Variants in DIAPH2 observed in about 807,000 individuals in gnomAD.
The protein encoded by DIAPH2 is diaphanous related formin 2.
In DIAPH2, 35 loss-of-function variants were observed where a neutral mutation model predicts 92.7. That is an observed-to-expected ratio of 0.38 (90% CI 0.29 to 0.50). The LOEUF (loss-of-function observed/expected upper bound fraction) is 0.50, where lower values mean the gene tolerates loss of function less well. Ranked by LOEUF, DIAPH2 falls within the 20% of genes least tolerant of loss-of-function variation. The probability of loss-of-function intolerance (pLI) is 0.94; values close to 1 mark genes in which losing one functional copy is unlikely to be tolerated. For missense variants in DIAPH2, 701 were observed against 819.5 expected, an observed-to-expected ratio of 0.86 and a Z score of 1.77; for synonymous variants, 301 against 280.4, an observed-to-expected ratio of 1.07 and a Z score of -0.73.
chrX:97,181,396 G>GTGTTGT (rs1188562337), intron 22 of DIAPH2, among the ~76,000 whole-genome samples: 1 of 109,617 alleles, frequency 9.1e-6, no homozygotes, highest in Non-Finnish European at 1.9e-5. Flanking sequence ...ATGAGTATAT[G>GTGTTGT]TGTTGTTGTT....
chrX:97,352,335 G>A (rs187384914), intron 24 of DIAPH2, among the ~76,000 whole-genome samples: 1 of 110,728 alleles, frequency 9.0e-6, no homozygotes, highest in Admixed American at 9.6e-5. Flanking sequence ...TTGACATTAT[G>A]GATTAAGATC....
intron 5 of DIAPH2, among the ~76,000 whole-genome samples, chrX:96,899,008 C>G (rs1418188079): frequency 2.7e-5 from 3 of 109,448 alleles, no homozygotes; most frequent in South Asian, 4.0e-4. Context: ...GCTTGTTTTT[C>G]TCAGGTTTGT....
At chrX:96,754,490 G>T (rs767409458) in intron 3 of DIAPH2, among the ~76,000 whole-genome samples, 2 of 111,251 alleles carry the variant, frequency 1.8e-5, no homozygotes, top group South Asian at 3.8e-4. Context: ...GAAGAAAAAA[G>T]GTCATGCCAC....
At chrX:97,176,489 G>A (rs2067492077) in intron 22 of DIAPH2, among the ~76,000 whole-genome samples, 1 of 101,155 alleles carries the variant, frequency 9.9e-6, no homozygotes, top group African/African-American at 3.7e-5. Context: ...TATCCATGAA[G>A]GATTGGTGTT....
intron 25 of DIAPH2, among the ~76,000 whole-genome samples, chrX:97,426,568 G>T (rs1327095330): frequency 1.8e-5 from 2 of 110,285 alleles, no homozygotes; most frequent in African/African-American, 6.6e-5. Context: ...GGGATTACAG[G>T]TGTGAGCCAC....
chrX:97,496,628 A>G (rs1221704514), intron 26 of DIAPH2, among the ~76,000 whole-genome samples: 1 of 110,356 alleles, frequency 9.1e-6, no homozygotes, highest in East Asian at 2.8e-4. Flanking sequence ...TCCATGGGTA[A>G]ATAGTTCTCT....
intron 24 of DIAPH2, among the ~76,000 whole-genome samples, chrX:97,353,301 G>A (rs908531661): frequency 9.1e-6 from 1 of 109,511 alleles, no homozygotes; most frequent in African/African-American, 3.3e-5. Context: ...ATTCAAAATC[G>A]GTGAACCGTA....
chrX:96,935,650 T>C (rs12156674), intron 10 of DIAPH2, among the ~76,000 whole-genome samples: 7,970 of 111,259 alleles, frequency 0.072, 292 homozygotes, highest in African/African-American at 0.12. Context: ...TATATTGTGC[T>C]ATATGTGCTC....
chrX:97,272,136 C>G (rs1034592266), intron 23 of DIAPH2, among the ~76,000 whole-genome samples: 16 of 110,410 alleles, frequency 1.4e-4, no homozygotes, highest in African/African-American at 5.3e-4. Flanking sequence ...GTAGCTGGGA[C>G]TACAGGCATG....
At chrX:96,934,435 G>A (rs1303179505) in intron 10 of DIAPH2, among the ~76,000 whole-genome samples, 1 of 110,960 alleles carries the variant, frequency 9.0e-6, no homozygotes, top group Non-Finnish European at 1.9e-5. Flanking sequence ...ATTAATTGTT[G>A]GTACATGGAT....
intron 22 of DIAPH2, among the ~76,000 whole-genome samples, chrX:97,230,990 G>A (rs1314738654): frequency 5.3e-5 from 6 of 112,621 alleles, no homozygotes; most frequent in South Asian, 3.6e-4. Context: ...TGGGTCTTCT[G>A]ACTCCAAGAC....
intron 5 of DIAPH2, among the ~76,000 whole-genome samples, chrX:96,892,068 T>C (rs2065310922): frequency 8.9e-6 from 1 of 112,007 alleles, no homozygotes; most frequent in Non-Finnish European, 1.9e-5. Context: ...AAATTAGGAC[T>C]AGAAAGCACT....
chrX:97,378,465 T>C (rs1162164407), intron 24 of DIAPH2, among the ~76,000 whole-genome samples: 1 of 110,100 alleles, frequency 9.1e-6, no homozygotes, highest in African/African-American at 3.3e-5. Flanking sequence ...GAGGATCACT[T>C]GACTTCAAGA....
At chrX:97,014,856 T>C (rs1195456133) in intron 17 of DIAPH2, among the ~76,000 whole-genome samples, 2 of 111,771 alleles carry the variant, frequency 1.8e-5, no homozygotes, top group Non-Finnish European at 3.8e-5. Context: ...ATAAAGAAAA[T>C]ATTTAGTGGT....
At chrX:97,008,385 T>TC (rs2066199424) in intron 17 of DIAPH2, among the ~76,000 whole-genome samples, 1 of 111,306 alleles carries the variant, frequency 9.0e-6, no homozygotes, top group Admixed American at 9.6e-5. Flanking sequence ...ATCTGAAAGG[T>TC]CACATACATA....
intron 17 of DIAPH2, among the ~76,000 whole-genome samples, chrX:97,065,635 C>T (rs2066628897): frequency 9.1e-6 from 1 of 109,611 alleles, no homozygotes; most frequent in South Asian, 3.9e-4. Context: ...ATGTATTTAC[C>T]GTATTTTTCA....
At chrX:96,763,621 G>T (rs1487705045) in intron 4 of DIAPH2, among the ~76,000 whole-genome samples, 6 of 111,844 alleles carry the variant, frequency 5.4e-5, no homozygotes, top group Non-Finnish European at 1.1e-4. Flanking sequence ...GGCAAGTCAT[G>T]TAATTTCTCT....
chrX:96,903,477 G>A (rs181519215), intron 5 of DIAPH2, among the ~76,000 whole-genome samples: 164 of 111,690 alleles, frequency 1.5e-3, no homozygotes, highest in Non-Finnish European at 2.6e-3. Context: ...TTTTCTTGTG[G>A]AAGTTAACAT....
In DIAPH2 at chrX:97,589,028, A is replaced by ATATATATAT. The variant is rs1569430281; in HGVS notation, c.3242-10225_3242-10224insTATATATAT. Among the ~76,000 whole-genome samples, 12 of 9,673 alleles carry ATATATATAT rather than the reference A, an allele frequency of 1.2e-3. No homozygotes were observed. The South Asian group carries it at 0.029, about 23-fold the overall frequency. The allele number at this position is 9,673 out of a possible 115,157, so 8.4% of individuals were successfully genotyped here. ...ATATATATATATATATATATATATA[A>ATATATATAT]AAGAATCAGATGGTTGCGGTGGCTC... On this transcript the variant is annotated intron_variant, in intron 26 of 26. Transcript: ENST00000324765.
Sources: gnomAD v4.1 joint callset for allele counts (sites outside exome capture counted in the v4.1 genomes callset) on GRCh38, gnomAD v4.1.1 for gene constraint, MANE v1.5 for transcripts, NCBI Gene and HGNC (gene_info 2026-07-23, HGNC 2026-07-21) for gene names.